The following OTOF variants were observed in gnomAD, a reference collection of about 807,000 sequenced individuals.
OTOF encodes the protein fer-1-like family member 2.
Under a neutral mutation model 236.8 loss-of-function variants are expected in OTOF, and 218 were observed. The ratio of observed to expected loss-of-function variants is 0.92; its 90% CI spans 0.82 to 1.03. The LOEUF is 1.03. Ranked by LOEUF, OTOF falls within the 50% of genes least tolerant of loss-of-function variation. The pLI, the probability that OTOF is intolerant of heterozygous loss-of-function variation, is 0.00. For missense variants in OTOF, 2,590 were observed against 2,694.4 expected (o/e 0.96, Z 0.86); for synonymous variants, 1,041 against 1,072.5 (o/e 0.97, Z 0.57).
intron 2 of OTOF, among the ~76,000 whole-genome samples, chr2:26,534,214 G>T (rs1209064624): frequency 1.3e-5 from 2 of 152,174 alleles, no homozygotes; most frequent in African/African-American, 4.8e-5. Context: ...CACACTAAGT[G>T]CTCAGTAAAT....
chr2:26,519,212 G>T (rs1257889681), intron 3 of OTOF, 103 bp from the exon 4 acceptor site: 3 of 807,590 alleles, frequency 3.7e-6, no homozygotes, highest in East Asian at 2.6e-5. Flanking sequence ...GACTCAGGTG[G>T]GCTTGCTCCA....
In OTOF at chr2:26,466,499, G is replaced by A. The variant is rs573254035; in HGVS notation, c.4500+215C>T. 2.9e-3 allele frequency among the ~76,000 whole-genome samples: 438 copies of A among 152,260 alleles called. 1 individual carries two copies. The highest frequency in any genetic ancestry group is 0.01 in the African/African-American group (426 of 41,554). The stretch of plus-strand genomic sequence containing the variant: ...TTACAGGTGCGTGGCACTGTGCCTG[G>A]CTAATTTTTGTATTTTTAGTAGAGA... On this transcript the variant is annotated intron_variant, in intron 36 of 46. Coordinates refer to ENST00000272371, the MANE Select transcript of OTOF (RefSeq NM_194248.3).
intron 5 of OTOF, among the ~76,000 whole-genome samples, chr2:26,510,133 AC>A (rs1283894994): frequency 6.6e-6 from 1 of 151,906 alleles, no homozygotes; most frequent in African/African-American, 2.4e-5. Flanking sequence ...TCCAGACAGC[AC>A]CCTGACCTCA....
Position 26,477,349 on chromosome 2 carries a change from G to A in OTOF, c.2407-61C>T. 2.5e-6 allele frequency: 4 copies of A among 1,586,628 alleles called. No homozygotes were observed. Among genetic ancestry groups the A allele is most frequent in the East Asian group, 2.3e-5 (1 of 43,988 alleles). On this transcript the variant is annotated intron_variant, in intron 20 of 46. Coordinates refer to ENST00000272371, the MANE Select transcript of OTOF (RefSeq NM_194248.3). This position sits in a 1 kb window ranked among gnomAD's most constrained non-coding sequence, Gnocchi z 4.7. ...GGGGGACAGCTCGGGCCATGACAAAGGGGGTTGTGACACCTTCTCACAACC... is the reference window on the plus strand; with the variant it reads ...GGGGGACAGCTCGGGCCATGACAAAAGGGGTTGTGACACCTTCTCACAACC...
chr2:26,557,969 G>A (rs1008424546), intron 1 of OTOF, among the ~76,000 whole-genome samples: 3 of 151,960 alleles, frequency 2.0e-5, no homozygotes, highest in African/African-American at 7.2e-5. Context: ...ACAGAAGAGA[G>A]GCGAGGGGCT....
chr2:26,466,568 C>T, intron 36 of OTOF, 146 bp downstream of exon 36: 1 of 922,978 alleles, frequency 1.1e-6, no homozygotes, highest in Non-Finnish European at 1.7e-6. Context: ...AACTCCTGAC[C>T]TCAGGTGATC....
intron 2 of OTOF, among the ~76,000 whole-genome samples, chr2:26,531,387 A>AT (rs550186368): frequency 0.027 from 4,070 of 152,060 alleles, 176 homozygotes; most frequent in African/African-American, 0.09. Context: ...CATCTGTGAA[A>AT]AGAGGGGGGT....
rs577192115 is a variant in OTOF at position 26,470,276 on chromosome 2, G to A, written c.4023+317C>T. Among the ~76,000 whole-genome samples the A allele has an allele frequency of 9.9e-5, 15 of 152,130 alleles. No homozygotes were observed. The South Asian group carries it at 1.9e-3, about 19-fold the overall frequency. On this transcript the variant is annotated intron_variant, in intron 32 of 46. Coordinates refer to ENST00000272371, the MANE Select transcript of OTOF (RefSeq NM_194248.3). The surrounding 1 kb of genome is among the most constrained non-coding windows in gnomAD (Gnocchi z 4.3). ...ACATGTCCATTTTGCCCAGTAAACC[G>A]GAGGCCCATCAGGGCAGGTGTGGCA... is the stretch of plus-strand genomic sequence containing the variant.
chr2:26,527,722 G>C, intron 3 of OTOF, 110 bp downstream of exon 3: 1 of 818,906 alleles, frequency 1.2e-6, no homozygotes, highest in Non-Finnish European at 2.2e-6. Flanking sequence ...TCCAGGGCAG[G>C]TTGGGAGTGT....
intron 11 of OTOF, among the ~76,000 whole-genome samples, chr2:26,487,429 A>G (rs1665727430): frequency 6.6e-6 from 1 of 151,418 alleles, no homozygotes; most frequent in Non-Finnish European, 1.5e-5. Context: ...CTCGGCCCAC[A>G]TCCTGTTTCT....
At chr2:26,537,063 T>A (rs1323548017) in intron 2 of OTOF, among the ~76,000 whole-genome samples, 1 of 152,170 alleles carries the variant, frequency 6.6e-6, no homozygotes, top group African/African-American at 2.4e-5. Flanking sequence ...CCTTTGCTGA[T>A]AAAATTGTGA....
In OTOF at chr2:26,474,650, T is replaced by C; in HGVS notation, c.3151A>G (p.Thr1051Ala). The change falls in exon 26 of 47, where the codon ACC becomes GCC. Residue 1051 changes from threonine to alanine, a missense_variant. Thr to Ala is a moderately conservative substitution (Grantham distance 58, BLOSUM62 0). Transcript: ENST00000272371. ...ATCTTCACCAGGGGTTTGGCGAAGG[T>C]CCGGCCCATGAAGTCAGCTTTGCCC... The part of the protein sequence containing the change: ...SMGKADFMGR[T>A]FAKPLVKMAD... 6.2e-7 allele frequency: 1 copy of C among 1,613,228 alleles called. No homozygotes were observed. The highest frequency in any genetic ancestry group is 8.5e-7 in the Non-Finnish European group (1 of 1,179,996).
intron 3 of OTOF, among the ~76,000 whole-genome samples, chr2:26,519,502 C>T (rs80145233): frequency 0.017 from 2,519 of 152,292 alleles, 66 homozygotes; most frequent in African/African-American, 0.058. Flanking sequence ...GGCTTCTACC[C>T]GCCTAACCAT....
In OTOF at chr2:26,470,848, C is replaced by T. The variant is rs1664941218; in HGVS notation, c.3895-127G>A. The T allele has an allele frequency of 6.6e-7, 1 of 1,503,934 alleles. No individual in the cohort carries two copies. Among genetic ancestry groups the T allele is most frequent in the South Asian group, 1.2e-5 (1 of 84,184 alleles). 93.2% of individuals were successfully genotyped at this position (1,503,934 alleles called of 1,614,324 possible). A position where few individuals can be genotyped will look rare whatever the true frequency, so the allele number is the denominator to read the frequency against. On this transcript the variant is annotated intron_variant, in intron 31 of 46. Transcript: ENST00000272371. This position sits in a 1 kb window ranked among gnomAD's most constrained non-coding sequence, Gnocchi z 4.3. ...CTCCATGAGGCTCTGTGGGGCCACC[C>T]ATGTCCAAGGGGCAGGGCCTTATTT...
chr2:26,476,013 C>A lies in OTOF; in HGVS notation c.2892G>T (p.Ala964=), dbSNP rs756565923. 1.9e-6 allele frequency: 3 copies of A among 1,612,586 alleles called. No individual in the cohort carries two copies. Residue 964 remains alanine, a synonymous_variant, in exon 24 of 47, where the codon GCG becomes GCT. Coordinates refer to ENST00000272371, the MANE Select transcript of OTOF (RefSeq NM_194248.3). ...YTKKQAFQLR[A]HMYQARSLFA... is the part of the protein sequence containing the mutation. ...AGAGGCTGCGGGCCTGGTACATGTG[C>A]GCTCGGAGCTGGAACGCCTGCTTCT...
chr2:26,491,356 G>A (rs1189186644), intron 9 of OTOF, among the ~76,000 whole-genome samples: 1 of 152,164 alleles, frequency 6.6e-6, no homozygotes, highest in Non-Finnish European at 1.5e-5. Context: ...CAAGTGGTCT[G>A]ACTGTGGAGG....
At chr2:26,529,930 C>T (rs947549734) in intron 2 of OTOF, among the ~76,000 whole-genome samples, 2 of 152,176 alleles carry the variant, frequency 1.3e-5, no homozygotes, top group East Asian at 3.9e-4. Context: ...TCAGCGGCTG[C>T]GGCTCCAGCT....
intron 7 of OTOF, 136 bp downstream of exon 7, chr2:26,502,164 G>A: frequency 1.1e-6 from 1 of 932,366 alleles, no homozygotes; most frequent in Non-Finnish European, 1.7e-6. Flanking sequence ...AGGAAAAGCA[G>A]AAAAGGGTAA....
At chr2:26,491,638 G>A (rs766262348) in intron 9 of OTOF, among the ~76,000 whole-genome samples, 19 of 152,214 alleles carry the variant, frequency 1.2e-4, no homozygotes, top group Non-Finnish European at 2.1e-4. Flanking sequence ...GCAGGAGGAA[G>A]GATGGTGGCG....
Sources: gnomAD v4.1 joint callset for allele counts (sites outside exome capture counted in the v4.1 genomes callset) on GRCh38, gnomAD v4.1.1 for gene constraint, Gnocchi (gnomAD v3.1) non-coding constraint, MANE v1.5 for transcripts, NCBI Gene and HGNC (gene_info 2026-07-23, HGNC 2026-07-21) for gene names.